Variants in DOCK4 observed in about 807,000 individuals in gnomAD.
DOCK4 encodes dedicator of cytokinesis 4.
DOCK4 carries 97 observed loss-of-function variants against 268.1 expected under a neutral mutation model. That is an observed-to-expected ratio of 0.36 (90% CI 0.31 to 0.43). The LOEUF (loss-of-function observed/expected upper bound fraction) is 0.43. DOCK4 is among the 20% of genes least tolerant of loss of function. The pLI is 1.00. For missense variants in DOCK4, 2,145 were observed against 2,455.7 expected (o/e 0.87, Z 2.67); for synonymous variants, 954 against 887.2 (o/e 1.08, Z -1.34).
At chr7:111,783,004 A>G (rs1006013686) in intron 34 of DOCK4, 80 bp from the exon 35 acceptor site, 91 of 1,176,462 alleles carry the variant, frequency 7.7e-5, no homozygotes, top group Non-Finnish European at 9.3e-5. Context: ...GGGGGAAAAA[A>G]AGAAAGAAAG....
chr7:112,083,125 C>T (rs764561164), intron 1 of DOCK4, among the ~76,000 whole-genome samples: 30 of 151,938 alleles, frequency 2.0e-4, no homozygotes, highest in African/African-American at 4.1e-4. Context: ...TATAAATAAT[C>T]CCTTTATCCA....
At chr7:112,016,466 T>TA (rs1282496870) in intron 1 of DOCK4, among the ~76,000 whole-genome samples, 1 of 152,254 alleles carries the variant, frequency 6.6e-6, no homozygotes, top group Non-Finnish European at 1.5e-5. Flanking sequence ...ACTGTACAGT[T>TA]ACTATTTTTG....
intron 11 of DOCK4, among the ~76,000 whole-genome samples, chr7:111,939,218 T>C (rs1795000025): frequency 6.6e-6 from 1 of 151,644 alleles, no homozygotes; most frequent in Admixed American, 6.6e-5. Flanking sequence ...TTTCTATTGT[T>C]TAAAATCTAT....
intron 39 of DOCK4, among the ~76,000 whole-genome samples, chr7:111,764,822 T>TACTA (rs569505750): frequency 4.1e-4 from 63 of 152,162 alleles, no homozygotes; most frequent in African/African-American, 1.4e-3. Flanking sequence ...TTTTTTCTAA[T>TACTA]ACTAACTTGA....
chr7:112,037,038 A>T (rs538471321), intron 1 of DOCK4, among the ~76,000 whole-genome samples: 1 of 152,296 alleles, frequency 6.6e-6, no homozygotes, highest in East Asian at 1.9e-4. Context: ...TTGAATTTTG[A>T]ACTTTTCCCA....
chr7:111,973,180 T>TATATATATATATATAC (rs1330800991), intron 8 of DOCK4, among the ~76,000 whole-genome samples: 26 of 145,420 alleles, frequency 1.8e-4, no homozygotes, highest in African/African-American at 6.4e-4. Context: ...TATATATATA[T>TATATATATATATATAC]ATATATAATA....
intron 1 of DOCK4, among the ~76,000 whole-genome samples, chr7:112,184,431 C>T (rs1819316840): frequency 6.6e-6 from 1 of 152,248 alleles, no homozygotes; most frequent in Non-Finnish European, 1.5e-5. Flanking sequence ...CCACCCCGGC[C>T]TCACCCAGGG....
chr7:112,097,706 G>A (rs1267304150), intron 1 of DOCK4, among the ~76,000 whole-genome samples: 1 of 152,206 alleles, frequency 6.6e-6, no homozygotes. Context: ...CCACACAGGT[G>A]TGTGTATGAA....
chr7:112,028,956 G>A (rs554529322), intron 1 of DOCK4, among the ~76,000 whole-genome samples: 2 of 152,262 alleles, frequency 1.3e-5, no homozygotes, highest in South Asian at 4.1e-4. Context: ...CTTTCCTATT[G>A]TCTACCTCAA....
At chr7:112,110,920 C>G (rs1308770245) in intron 1 of DOCK4, among the ~76,000 whole-genome samples, 2 of 152,196 alleles carry the variant, frequency 1.3e-5, no homozygotes, top group Admixed American at 6.5e-5. Flanking sequence ...GCGTCTTCCC[C>G]ATTCAGAATG....
intron 5 of DOCK4, among the ~76,000 whole-genome samples, chr7:111,991,959 T>TC (rs1190005914): frequency 2.8e-4 from 13 of 45,984 alleles, no homozygotes; most frequent in Non-Finnish European, 3.7e-4. Flanking sequence ...AGACTCTGTC[T>TC]CCAAAAAAAA....
intron 1 of DOCK4, among the ~76,000 whole-genome samples, chr7:112,147,756 C>T (rs1815647708): frequency 6.7e-6 from 1 of 149,674 alleles, no homozygotes; most frequent in South Asian, 2.1e-4. Flanking sequence ...AAGAATCCAT[C>T]CTTAACTACA....
chr7:111,883,200 A>T (rs1009772379), intron 16 of DOCK4, among the ~76,000 whole-genome samples: 1 of 152,178 alleles, frequency 6.6e-6, no homozygotes, highest in South Asian at 2.1e-4. Flanking sequence ...GTTTAGGCAA[A>T]GTAATGTTCT....
At chr7:111,973,290 T>C (rs1013963368) in intron 8 of DOCK4, among the ~76,000 whole-genome samples, 9 of 151,672 alleles carry the variant, frequency 5.9e-5, no homozygotes, top group Non-Finnish European at 1.3e-4. Flanking sequence ...CAAGTATCTT[T>C]TTCGTATACT....
intron 44 of DOCK4, among the ~76,000 whole-genome samples, chr7:111,742,809 C>G (rs1796008903): frequency 6.6e-6 from 1 of 152,110 alleles, no homozygotes. Context: ...CTGGACAACA[C>G]AGTGAAACGC....
At chr7:112,026,505 C>T (rs571133642) in intron 1 of DOCK4, among the ~76,000 whole-genome samples, 23 of 152,356 alleles carry the variant, frequency 1.5e-4, no homozygotes, top group South Asian at 4.1e-4. Context: ...CAAATAACAG[C>T]CTACCAGCTA....
chr7:111,899,711 T>A (rs1046011825), intron 15 of DOCK4, among the ~76,000 whole-genome samples: 15 of 152,008 alleles, frequency 9.9e-5, no homozygotes, highest in African/African-American at 3.6e-4. Context: ...TCACCTGAGG[T>A]CAGGAGTTCA....
At chr7:111,826,101 G>T (rs1358142247) in intron 26 of DOCK4, among the ~76,000 whole-genome samples, 2 of 152,186 alleles carry the variant, frequency 1.3e-5, no homozygotes, top group African/African-American at 4.8e-5. Flanking sequence ...GGAGTTCACA[G>T]TTTAGTGGGA....
chr7:111,726,395 G>A lies in DOCK4; in HGVS notation c.*1879C>T, dbSNP rs918952174. The A allele has an allele frequency of 6.6e-6, 1 of 152,386 alleles. No homozygotes were observed. The highest frequency in any genetic ancestry group is 1.5e-5 in the Non-Finnish European group (1 of 68,022). 9.4% of individuals were successfully genotyped at this position (152,386 alleles called of 1,614,324 possible). A position where few individuals can be genotyped will look rare whatever the true frequency, so the allele number is the denominator to read the frequency against. ...AAGGAAGCTTTGTTATCTTATGCATGTCATCTTATTTAAATGGAAGGTTTT... is the reference window on the plus strand; with the variant it reads ...AAGGAAGCTTTGTTATCTTATGCATATCATCTTATTTAAATGGAAGGTTTT... On this transcript the variant is annotated 3_prime_UTR_variant, in exon 53 of 53. Coordinates refer to ENST00000428084, the MANE Select transcript of DOCK4 (RefSeq NM_001363540.2).
Sources: allele counts gnomAD v4.1 joint callset (sites outside exome capture counted in the v4.1 genomes callset), GRCh38; gene constraint gnomAD v4.1.1; transcripts MANE v1.5; gene names NCBI Gene and HGNC (gene_info 2026-07-23, HGNC 2026-07-21).